Variants in NKAIN2 observed in about 807,000 individuals in gnomAD.
The protein encoded by NKAIN2 is sodium/potassium transporting ATPase interacting 2.
In NKAIN2, 14 loss-of-function variants were observed where a neutral mutation model predicts 32.6. The observed-to-expected ratio is 0.43, with a 90% CI of 0.28 to 0.67. The LOEUF is 0.67. NKAIN2 is among the 30% of genes least tolerant of loss of function. The pLI, the probability that NKAIN2 is intolerant of heterozygous loss-of-function variation, is 0.17. For synonymous variants in NKAIN2, 80 were observed against 87.2 expected (o/e 0.92, Z 0.46); for missense variants, 198 against 258.3 (o/e 0.77, Z 1.60).
chr6:124,256,089 T>G (rs1402122637), intron 1 of NKAIN2, among the ~76,000 whole-genome samples: 1 of 152,190 alleles, frequency 6.6e-6, no homozygotes, highest in African/African-American at 2.4e-5. Context: ...GTTAACGTGT[T>G]AGTCTATTCT....
rs117984260 is a variant in NKAIN2, at chr6:123,916,713, A to G, written c.54+112459A>G. On this transcript the variant is annotated intron_variant, in intron 1 of 6. Transcript: ENST00000368417. ...TGCCAAACCTGTCAAGAAGTTTGAG[A>G]ATTGAGATGTAGATATATATGTGTG... is the stretch of plus-strand genomic sequence containing the variant. Among the ~76,000 whole-genome samples, 631 of 152,066 alleles carry G rather than the reference A, an allele frequency of 4.1e-3. 3 individuals are homozygous for G. Among genetic ancestry groups the G allele is most frequent in the Non-Finnish European group, 6.0e-3 (410 of 68,000 alleles).
chr6:124,422,263 G>T (rs1774789490), intron 3 of NKAIN2, among the ~76,000 whole-genome samples: 1 of 151,798 alleles, frequency 6.6e-6, no homozygotes, highest in South Asian at 2.1e-4. Context: ...TGCCTTCTTT[G>T]TGGGATCTCT....
At chr6:124,530,389 G>A (rs759681811) in intron 3 of NKAIN2, among the ~76,000 whole-genome samples, 28 of 152,240 alleles carry the variant, frequency 1.8e-4, no homozygotes, top group Non-Finnish European at 2.5e-4. Flanking sequence ...TCTTCACATC[G>A]ATTAGGTTGA....
chr6:124,193,009 A>G (rs1357624382), intron 1 of NKAIN2, among the ~76,000 whole-genome samples: 1 of 152,062 alleles, frequency 6.6e-6, no homozygotes, highest in Non-Finnish European at 1.5e-5. Context: ...TTGGCCTCCT[A>G]AAGTGCTGGG....
chr6:124,717,227 C>G (rs181269648), intron 4 of NKAIN2, among the ~76,000 whole-genome samples: 30 of 152,250 alleles, frequency 2.0e-4, no homozygotes, highest in African/African-American at 6.3e-4. Context: ...TAAAATTATT[C>G]TATAAATTGT....
At chr6:124,725,833 C>A (rs1776262760) in intron 4 of NKAIN2, among the ~76,000 whole-genome samples, 1 of 152,188 alleles carries the variant, frequency 6.6e-6, no homozygotes. Context: ...ACAGTGGGCG[C>A]AGGTCAGTGG....
At chr6:124,391,852 C>T (rs1029449505) in intron 3 of NKAIN2, among the ~76,000 whole-genome samples, 4 of 152,122 alleles carry the variant, frequency 2.6e-5, no homozygotes, top group African/African-American at 7.2e-5. Context: ...ATCCTTCCCC[C>T]TACCTAAGTC....
chr6:124,306,320 A>C (rs969081134), intron 2 of NKAIN2, among the ~76,000 whole-genome samples: 44 of 152,160 alleles, frequency 2.9e-4, no homozygotes, highest in African/African-American at 9.9e-4. Flanking sequence ...TATAACTTCA[A>C]AAAGAAAGGT....
intron 3 of NKAIN2, among the ~76,000 whole-genome samples, chr6:124,360,359 C>T (rs1220415627): frequency 6.6e-6 from 1 of 152,116 alleles, no homozygotes; most frequent in African/African-American, 2.4e-5. Flanking sequence ...AATGAACTCT[C>T]TGCCATATGC....
At chr6:124,034,206 C>T (rs996823824) in intron 1 of NKAIN2, among the ~76,000 whole-genome samples, 1 of 151,922 alleles carries the variant, frequency 6.6e-6, no homozygotes, top group East Asian at 1.9e-4. Context: ...GCTGGGGCTT[C>T]GACTTCTATT....
intron 3 of NKAIN2, among the ~76,000 whole-genome samples, chr6:124,591,486 T>A (rs1781910632): frequency 6.6e-6 from 1 of 152,138 alleles, no homozygotes; most frequent in Non-Finnish European, 1.5e-5. Context: ...GAGCCATTTC[T>A]ACTCCCTCCC....
At chr6:124,713,476 AAAGAC>A (rs1410326141) in intron 4 of NKAIN2, among the ~76,000 whole-genome samples, 1 of 152,226 alleles carries the variant, frequency 6.6e-6, no homozygotes, top group African/African-American at 2.4e-5. Context: ...ACTTTCCAAT[AAAGAC>A]AAGACAAGCT....
intron 1 of NKAIN2, among the ~76,000 whole-genome samples, chr6:123,952,727 A>G (rs1162101118): frequency 6.6e-6 from 1 of 152,046 alleles, no homozygotes. Context: ...TTTCAGTTTC[A>G]TAATTTCTAT....
chr6:124,057,630 CCCT>C (rs755014423), intron 1 of NKAIN2, among the ~76,000 whole-genome samples: 1 of 151,446 alleles, frequency 6.6e-6, no homozygotes, highest in Non-Finnish European at 1.5e-5. Context: ...GAGTTAAATG[CCCT>C]CCTCTTTTTT....
chr6:124,453,673 G>A (rs1448061581), intron 3 of NKAIN2, among the ~76,000 whole-genome samples: 5 of 152,046 alleles, frequency 3.3e-5, no homozygotes, highest in Non-Finnish European at 7.4e-5. Context: ...GTAATCTATT[G>A]TGCAAATGAT....
At chr6:124,564,280 C>T (rs1342200941) in intron 3 of NKAIN2, among the ~76,000 whole-genome samples, 3 of 151,974 alleles carry the variant, frequency 2.0e-5, no homozygotes, top group Admixed American at 6.6e-5. Flanking sequence ...CTGTGTCTAG[C>T]TAAAGGATTA....
chr6:124,117,687 T>C (rs1031155496), intron 1 of NKAIN2, among the ~76,000 whole-genome samples: 2 of 151,982 alleles, frequency 1.3e-5, no homozygotes, highest in African/African-American at 4.8e-5. Context: ...GTAGATGTAA[T>C]TGGTTATTAC....
At chr6:124,002,770 G>A (rs576950450) in intron 1 of NKAIN2, among the ~76,000 whole-genome samples, 25 of 152,200 alleles carry the variant, frequency 1.6e-4, no homozygotes, top group Non-Finnish European at 3.1e-4. Context: ...GTGAGAAAGA[G>A]CTGACAACCC....
At chr6:124,771,925 A>G (rs1490792117) in intron 4 of NKAIN2, among the ~76,000 whole-genome samples, 2 of 152,150 alleles carry the variant, frequency 1.3e-5, no homozygotes, top group African/African-American at 4.8e-5. Flanking sequence ...TGCTAGAGAG[A>G]ATGGCATTTA....
Sources: allele counts gnomAD v4.1 joint callset (sites outside exome capture counted in the v4.1 genomes callset), GRCh38; gene constraint gnomAD v4.1.1; transcripts MANE v1.5; gene names NCBI Gene and HGNC (gene_info 2026-07-23, HGNC 2026-07-21).